The following NPIPB2 variants were observed in gnomAD, a reference collection of about 807,000 sequenced individuals.
NPIPB2 encodes the protein nuclear pore complex-interacting protein family member B2.
In NPIPB2, 27 loss-of-function variants were observed where a neutral mutation model predicts 30.8. The ratio of observed to expected loss-of-function variants is 0.88; its 90% confidence interval spans 0.65 to 1.21. The LOEUF is 1.21. Ranked by LOEUF, NPIPB2 falls within the 50% of genes most tolerant of loss-of-function variation. NPIPB2 has a pLI of 0.00. For synonymous variants in NPIPB2, 147 were observed against 162.0 expected, an observed-to-expected ratio of 0.91 and a Z score of 0.70; for missense variants, 440 against 446.2, an observed-to-expected ratio of 0.99 and a Z score of 0.13.
At chr16:11,938,356 G>C (rs1470494699) in intron 1 of NPIPB2, among the ~76,000 whole-genome samples, 5 of 141,192 alleles carry the variant, frequency 3.5e-5, no homozygotes, top group Non-Finnish European at 7.7e-5. Context: ...TTTGAGATGG[G>C]GTCTCACTCT....
intron 1 of NPIPB2, among the ~76,000 whole-genome samples, chr16:11,974,880 T>A (rs886863684): frequency 6.6e-5 from 10 of 151,950 alleles, no homozygotes; most frequent in African/African-American, 2.2e-4. Flanking sequence ...GAGACCATCC[T>A]GGCTAACACG....
intron 1 of NPIPB2, among the ~76,000 whole-genome samples, chr16:11,975,739 C>G (rs1037452750): frequency 6.6e-6 from 1 of 151,902 alleles, no homozygotes; most frequent in African/African-American, 2.4e-5. Context: ...TACAGGCGCA[C>G]GCCACCATGC....
At chr16:11,955,963 A>T (rs1026221784) in intron 1 of NPIPB2, among the ~76,000 whole-genome samples, 16 of 151,896 alleles carry the variant, frequency 1.1e-4, no homozygotes, top group Admixed American at 2.6e-4. Flanking sequence ...CCTCTGGTCC[A>T]CTGCAGAGTT....
intron 1 of NPIPB2, among the ~76,000 whole-genome samples, chr16:11,950,354 G>C (rs1238186555): frequency 1.3e-5 from 2 of 151,932 alleles, no homozygotes; most frequent in African/African-American, 4.8e-5. Flanking sequence ...TTTTTTCTAA[G>C]AGATAGGGTC....
intron 1 of NPIPB2, chr16:11,967,037 G>A: frequency 4.9e-6 from 1 of 203,276 alleles, no homozygotes; most frequent in Non-Finnish European, 1.0e-5. Context: ...GTCTCGCTCT[G>A]TGGCCCAGGC....
intron 1 of NPIPB2, among the ~76,000 whole-genome samples, chr16:11,948,419 C>G (rs555534313): frequency 2.0e-4 from 30 of 152,036 alleles, no homozygotes; most frequent in Non-Finnish European, 4.3e-4. Flanking sequence ...TAAATACAAA[C>G]AAGTCTGTAG....
At chr16:11,968,554 T>C (rs919321886) in intron 1 of NPIPB2, 3 of 152,216 alleles carry the variant, frequency 2.0e-5, no homozygotes, top group African/African-American at 7.2e-5. Context: ...CAAAGATATG[T>C]GGTCCTTAAA....
At chr16:11,951,666 A>ACACACACACACACACAC (rs1226047972) in intron 1 of NPIPB2, among the ~76,000 whole-genome samples, 2 of 138,874 alleles carry the variant, frequency 1.4e-5, no homozygotes, top group Non-Finnish European at 3.1e-5. Context: ...ACACACACAC[A>ACACACACACACACACAC]CCCAGCCCCC....
At chr16:11,973,974 G>A (rs2055251693) in intron 1 of NPIPB2, among the ~76,000 whole-genome samples, 1 of 152,166 alleles carries the variant, frequency 6.6e-6, no homozygotes, top group Non-Finnish European at 1.5e-5. Context: ...GATTCTGAGA[G>A]GGTCTTTATC....
chr16:11,975,435 C>A (rs994264879), intron 1 of NPIPB2, among the ~76,000 whole-genome samples: 3 of 151,944 alleles, frequency 2.0e-5, no homozygotes, highest in Non-Finnish European at 4.4e-5. Flanking sequence ...GCGTGAGCCA[C>A]CGCGCCCGGC....
intron 1 of NPIPB2, chr16:11,966,110 C>CAAAA: frequency 7.2e-7 from 1 of 1,391,648 alleles, no homozygotes; most frequent in South Asian, 1.5e-5. Flanking sequence ...GACTTTGTCT[C>CAAAA]AAAATAAATA....
chr16:11,960,875 T>TC (rs1261400118), intron 1 of NPIPB2, among the ~76,000 whole-genome samples: 2 of 151,566 alleles, frequency 1.3e-5, no homozygotes, highest in African/African-American at 4.8e-5. Flanking sequence ...TTCTTTTCTT[T>TC]TTTTTTTTTG....
At chr16:11,970,542 T>A (rs2055229442) in intron 1 of NPIPB2, among the ~76,000 whole-genome samples, 1 of 151,984 alleles carries the variant, frequency 6.6e-6, no homozygotes, top group African/African-American at 2.4e-5. Flanking sequence ...CATTTTTTTT[T>A]TCTTTCTTTT....
rs759765587 is a variant in NPIPB2 at position 11,933,536 on chromosome 16, T to A, written c.469A>T (p.Arg157Trp). ...TCTTACTGTTTTTTGGCGGTCTTCC[T>A]CTTTCCATTGATTTTGTCATGATGG... Residue 157 changes from arginine (R) to tryptophan (W), a missense_variant, in exon 4 of 8, where the codon AGG (arginine) becomes TGG (tryptophan). Coordinates refer to ENST00000399147, the Ensembl canonical transcript of NPIPB2. 7 of 1,597,086 alleles carry A rather than the reference T, an allele frequency of 4.4e-6. No homozygotes were observed. The East Asian group carries it at 1.1e-4, about 25-fold the overall frequency.
At chr16:11,931,633 G>A (rs531235472) in intron 4 of NPIPB2, among the ~76,000 whole-genome samples, 70 of 149,310 alleles carry the variant, frequency 4.7e-4, no homozygotes, top group African/African-American at 1.5e-3. Context: ...AGCCAGTGAG[G>A]ACATCACTAC....
intron 1 of NPIPB2, among the ~76,000 whole-genome samples, chr16:11,969,566 T>C (rs1468574103): frequency 6.6e-6 from 1 of 152,216 alleles, no homozygotes; most frequent in African/African-American, 2.4e-5. Flanking sequence ...TTTCTCTTTA[T>C]TGTTAAAGGA....
chr16:11,973,062 A>AG (rs919391056), intron 1 of NPIPB2, among the ~76,000 whole-genome samples: 1 of 146,820 alleles, frequency 6.8e-6, no homozygotes, highest in African/African-American at 2.5e-5. Flanking sequence ...CAGGAGGCTG[A>AG]GGCAGGAGAC....
chr16:11,963,151 C>T (rs1473635499), intron 1 of NPIPB2, among the ~76,000 whole-genome samples: 6 of 152,026 alleles, frequency 3.9e-5, no homozygotes, highest in East Asian at 1.9e-4. Flanking sequence ...AGGCCAAGGC[C>T]GGTGGGTCAC....
rs2055266632 is a variant in NPIPB2, at chr16:11,975,140, C to CT, written c.-584+1427_-584+1428insA. Among the ~76,000 whole-genome samples the CT allele has an allele frequency of 7.3e-5, 5 of 68,158 alleles. No homozygotes were observed. In the South Asian group the frequency reaches 2.6e-3, roughly 36 times the overall value. 44.7% of individuals were successfully genotyped at this position (68,158 alleles called of 152,430 possible). A position where few individuals can be genotyped will look rare whatever the true frequency, so the allele number is the denominator to read the frequency against. On this transcript the variant is annotated intron_variant, in intron 1 of 5. Transcript: ENST00000538896. Reference sequence around the variant, plus strand: ...ACTTGTGTTCACACTCAATCCATCACCTTTTTTTTTTTTTTTTTTTTTTTT... The same window carrying CT: ...ACTTGTGTTCACACTCAATCCATCACTCTTTTTTTTTTTTTTTTTTTTTTTT...
Sources: gnomAD v4.1 joint callset for allele counts (sites outside exome capture counted in the v4.1 genomes callset) on GRCh38, gnomAD v4.1.1 for gene constraint, MANE v1.5 for transcripts, NCBI Gene and HGNC (gene_info 2026-07-23, HGNC 2026-07-21) for gene names.